TBC1D17: variants seen among roughly 807,000 people sequenced by gnomAD.
TBC1D17 encodes TBC1 domain family, member 17.
TBC1D17 carries 69 observed loss-of-function variants against 78.8 expected under a neutral mutation model. The ratio of observed to expected loss-of-function variants is 0.88; its 90% CI spans 0.72 to 1.07. TBC1D17 has a LOEUF of 1.07. Among genes scored for constraint, TBC1D17 ranks in the 50% least tolerant of loss-of-function variants. TBC1D17 has a pLI of 0.00. For missense variants in TBC1D17, 957 were observed against 861.0 expected (o/e 1.11, Z -1.39); for synonymous variants, 456 against 358.3 (o/e 1.27, Z -3.08).
intron 13 of TBC1D17, 51 bp downstream of exon 13, chr19:49,884,809 C>T (rs374012700): frequency 6.4e-5 from 99 of 1,541,626 alleles, no homozygotes; most frequent in Non-Finnish European, 8.5e-5. Flanking sequence ...TAGACCTTGC[C>T]AGATTCTCTG....
chr19:49,883,829 A>ACCC, intron 10 of TBC1D17, 84 bp downstream of exon 10: 1 of 1,226,278 alleles, frequency 8.2e-7, no homozygotes, highest in East Asian at 2.3e-5. Flanking sequence ...TGGGAGATAG[A>ACCC]GGGAGCCCCC....
At chr19:49,880,495 C>T (rs1229670921) in intron 4 of TBC1D17, 93 bp downstream of exon 4, 2 of 1,492,594 alleles carry the variant, frequency 1.3e-6, no homozygotes, top group Non-Finnish European at 9.0e-7. Context: ...CTTTGCTGCC[C>T]ACAATCAAGA....
chr19:49,887,975 T>TA, intron 15 of TBC1D17, 141 bp downstream of exon 15: 1 of 911,420 alleles, frequency 1.1e-6, no homozygotes, highest in Non-Finnish European at 1.6e-6. Context: ...TGGGGCCGCG[T>TA]AGGTTTCCCT....
chr19:49,887,145 A>C (rs1378820606), intron 13 of TBC1D17: 7 of 306,130 alleles, frequency 2.3e-5, no homozygotes, highest in Non-Finnish European at 3.5e-5. Flanking sequence ...CCTTCAGCTT[A>C]AATTTTTGCT....
At chr19:49,881,908 A>G in intron 5 of TBC1D17, 133 bp from the exon 6 acceptor site, 3 of 794,130 alleles carry the variant, frequency 3.8e-6, no homozygotes, top group African/African-American at 1.7e-5. Context: ...CTTTAACAGC[A>G]TTCCCTGAAA....
intron 3 of TBC1D17, 94 bp from the exon 4 acceptor site, chr19:49,880,185 C>T (rs1490962908): frequency 2.0e-6 from 3 of 1,500,760 alleles, no homozygotes; most frequent in East Asian, 2.3e-5. Flanking sequence ...GCCTCAGTTT[C>T]CCTCTTTATT....
chr19:49,881,961 C>A (rs1020318356), intron 5 of TBC1D17, 80 bp from the exon 6 acceptor site: 25 of 1,260,288 alleles, frequency 2.0e-5, no homozygotes, highest in African/African-American at 1.9e-4. Context: ...CAGCTGGAAC[C>A]GATGTCGGCC....
chr19:49,883,008 G>A lies in TBC1D17; in HGVS notation c.963G>A (p.Lys321=), dbSNP rs763481629. The A allele has an allele frequency of 3.1e-6, 5 of 1,611,334 alleles. No individual in the cohort carries two copies. The South Asian group carries it at 4.4e-5, about 14-fold the overall frequency. Residue 321 remains lysine (K), a synonymous_variant, in exon 9 of 17, where the codon AAG becomes AAA. Transcript: ENST00000221543. ...LSPSLRREAW[K]FLLGYLSWEG... is the part of the protein sequence containing the mutation. Reference sequence around the variant, plus strand: ...CCAGCCTGCGGCGCGAGGCCTGGAAGTTCCTCCTAGGGTACCTCAGCTGGG... The same window carrying A: ...CCAGCCTGCGGCGCGAGGCCTGGAAATTCCTCCTAGGGTACCTCAGCTGGG...
intron 13 of TBC1D17, among the ~76,000 whole-genome samples, chr19:49,885,017 G>A (rs1376391737): frequency 2.0e-5 from 3 of 152,336 alleles, no homozygotes; most frequent in East Asian, 3.9e-4. Flanking sequence ...TTAACCTGCA[G>A]GGTATTTTTC....
rs554395662 is a variant in TBC1D17, at chr19:49,880,284, C to T, written c.201C>T (p.Ser67=). ...TGCTCCTTTCCTCTCCTAAGGACTC[C>T]AGTGGGGGTGACTCATGTGCTTCTG... The part of the protein sequence containing the change: ...STQILFSKKD[S]SGGDSCASEE... The change falls in exon 4 of 17, where the codon TCC becomes TCT. Residue 67 remains serine, a synonymous_variant. Transcript: ENST00000221543. The T allele has an allele frequency of 6.9e-5, 111 of 1,614,030 alleles. 1 individual carries two copies. The Middle Eastern group carries it at 9.9e-4, about 14-fold the overall frequency.
At position 49,883,755 on chromosome 19, in the gene TBC1D17, A is replaced by C. The variant is rs762612144; in HGVS notation, c.1126+10A>C. Reference sequence around the variant, plus strand: ...TACCGCAGCCTCATCGGTCAGTGTCAGGGGTGGCACTTAGGGTGGATGGGA... The same window carrying C: ...TACCGCAGCCTCATCGGTCAGTGTCCGGGGTGGCACTTAGGGTGGATGGGA... On this transcript the variant is annotated intron_variant, in intron 10 of 16. Transcript: ENST00000221543. The C allele has an allele frequency of 1.2e-6, 2 of 1,612,312 alleles. No individual in the cohort carries two copies.
chr19:49,877,743 G>C lies in TBC1D17; in HGVS notation c.20G>C (p.Arg7Thr). Residue 7 changes from arginine (R) to threonine (T), a missense_variant and splice_region_variant, in exon 1 of 17, where the codon AGG becomes ACG. Arg to Thr is a moderately conservative substitution (Grantham distance 71). Transcript: ENST00000221543. Reference protein sequence around the residue: MEGAGYRVVFEKGGVYL... With the variant: MEGAGYTVVFEKGGVYL... ...GCGACTATGGAAGGAGCCGGCTACA[G>C]GGTAAGCACTGAGGACGCATTCCCT... 2.5e-6 allele frequency: 4 copies of C among 1,596,108 alleles called. No individual in the cohort carries two copies. Among genetic ancestry groups the C allele is most frequent in the Non-Finnish European group, 1.7e-6 (2 of 1,172,286 alleles).
intron 3 of TBC1D17, 200 bp downstream of exon 3, chr19:49,878,772 G>A: frequency 1.7e-6 from 1 of 590,874 alleles, no homozygotes; most frequent in Non-Finnish European, 3.0e-6. Flanking sequence ...AAAAAGAGCA[G>A]GGAGCATAAG....
chr19:49,878,044 G>GC, intron 1 of TBC1D17, 99 bp from the exon 2 acceptor site: 1 of 1,008,476 alleles, frequency 9.9e-7, no homozygotes, highest in Non-Finnish European at 1.4e-6. Context: ...TCCCGGCCCC[G>GC]CCCCCTGAGG....
At position 49,887,484 on chromosome 19, in the gene TBC1D17, G is replaced by A; in HGVS notation, c.1453G>A (p.Asp485Asn). Reference protein sequence around the residue: ...PLLCDFLDSQDSGSLCFCFRW... With the variant: ...PLLCDFLDSQNSGSLCFCFRW... ...TCCATGTCATCCCCCAGATTCCCAG[G>A]ACTCCGGCTCTCTCTGCTTCTGTTT... is the stretch of plus-strand genomic sequence containing the variant. Residue 485 changes from aspartate to asparagine, a missense_variant, in exon 14 of 17, where the codon GAC becomes AAC. Asp to Asn is a conservative substitution (Grantham distance 23). Coordinates refer to ENST00000221543, the MANE Select transcript of TBC1D17 (RefSeq NM_024682.3). The A allele has an allele frequency of 1.9e-6, 3 of 1,613,994 alleles. No homozygotes were observed. Among genetic ancestry groups the A allele is most frequent in the Non-Finnish European group, 2.5e-6 (3 of 1,179,952 alleles).
chr19:49,878,435 A>G (rs775543649), intron 2 of TBC1D17, 63 bp from the exon 3 acceptor site: 16 of 1,510,668 alleles, frequency 1.1e-5, no homozygotes, highest in Non-Finnish European at 1.5e-5. Flanking sequence ...GAAATTTGCA[A>G]CGGAAAGTTT....
At chr19:49,884,604 A>T in intron 12 of TBC1D17, 45 bp downstream of exon 12, 1 of 1,613,584 alleles carries the variant, frequency 6.2e-7, no homozygotes, top group Non-Finnish European at 8.5e-7. Flanking sequence ...TCGAGCGATC[A>T]GGTGTCCTGG....
intron 13 of TBC1D17, 30 bp from the exon 14 acceptor site, chr19:49,887,446 A>G: frequency 6.2e-7 from 1 of 1,606,362 alleles, no homozygotes; most frequent in Non-Finnish European, 8.5e-7. Context: ...GCGCTGGGCA[A>G]GGCTGAGTGG....
chr19:49,883,830 G>A, intron 10 of TBC1D17, 85 bp downstream of exon 10: 1 of 1,212,510 alleles, frequency 8.2e-7, no homozygotes, highest in South Asian at 1.2e-5. Context: ...GGGAGATAGA[G>A]GGAGCCCCCT....
Sources: gnomAD v4.1 joint callset for allele counts (sites outside exome capture counted in the v4.1 genomes callset) on GRCh38, gnomAD v4.1.1 for gene constraint, MANE v1.5 for transcripts, NCBI Gene and HGNC (gene_info 2026-07-23, HGNC 2026-07-21) for gene names.